KCNH1: variants seen among roughly 807,000 people sequenced by gnomAD.
KCNH1 encodes the protein potassium voltage-gated channel subfamily H member 1.
A neutral mutation model predicts 69.2 loss-of-function variants in KCNH1; 27 were observed. That is an observed-to-expected ratio of 0.39 (90% CI 0.29 to 0.54). The LOEUF (loss-of-function observed/expected upper bound fraction) is 0.54. KCNH1 is among the 20% of genes least tolerant of loss of function. The probability of loss-of-function intolerance (pLI) is 0.68; values close to 1 mark genes in which losing one functional copy is unlikely to be tolerated. For synonymous variants in KCNH1, 456 were observed against 487.7 expected (o/e 0.93, Z 0.86); for missense variants, 798 against 1,261.6 (o/e 0.63, Z 5.57).
At chr1:210,971,821 T>A (rs1227723537) in intron 6 of KCNH1, among the ~76,000 whole-genome samples, 1 of 152,186 alleles carries the variant, frequency 6.6e-6, no homozygotes, top group African/African-American at 2.4e-5. Context: ...ACTTTATGTA[T>A]ATATACTTCA....
chr1:210,790,917 C>T (rs1189293988), intron 9 of KCNH1, among the ~76,000 whole-genome samples: 1 of 152,202 alleles, frequency 6.6e-6, no homozygotes, highest in Non-Finnish European at 1.5e-5. Context: ...TTCCCAAGCC[C>T]CATATCCCAC....
chr1:210,803,594 A>C (rs979400309), intron 8 of KCNH1, among the ~76,000 whole-genome samples: 6 of 152,254 alleles, frequency 3.9e-5, no homozygotes, highest in African/African-American at 1.2e-4. Context: ...GATCAGTAAC[A>C]GTGCTGTGCT....
At chr1:211,059,199 G>C (rs1450409787) in intron 5 of KCNH1, among the ~76,000 whole-genome samples, 1 of 151,668 alleles carries the variant, frequency 6.6e-6, no homozygotes, top group Non-Finnish European at 1.5e-5. Flanking sequence ...AGAATCATTT[G>C]AACCTGGGAG....
At chr1:211,122,679 A>G (rs1691710838) in intron 1 of KCNH1, among the ~76,000 whole-genome samples, 1 of 152,234 alleles carries the variant, frequency 6.6e-6, no homozygotes, top group Non-Finnish European at 1.5e-5. Context: ...CTTTGCAGGG[A>G]CATGGATGAA....
chr1:210,931,809 C>G (rs2102576606), intron 6 of KCNH1, among the ~76,000 whole-genome samples: 1 of 147,516 alleles, frequency 6.8e-6, no homozygotes, highest in South Asian at 2.2e-4. Context: ...GAGAAAAAAA[C>G]AGAAATCTTG....
chr1:210,980,487 G>C (rs974926428), intron 6 of KCNH1, among the ~76,000 whole-genome samples: 72 of 152,156 alleles, frequency 4.7e-4, no homozygotes, highest in African/African-American at 1.7e-3. Context: ...AATCTAGGAG[G>C]TTATGAGGGT....
chr1:210,820,324 T>C (rs1282059629), intron 7 of KCNH1, among the ~76,000 whole-genome samples: 1 of 152,140 alleles, frequency 6.6e-6, no homozygotes, highest in East Asian at 1.9e-4. Context: ...CCTATGACTA[T>C]GTTACTTTAC....
chr1:211,002,031 G>A (rs12403500), intron 6 of KCNH1, among the ~76,000 whole-genome samples: 35,283 of 149,976 alleles, frequency 0.24, 5,820 homozygotes, highest in African/African-American at 0.45. Context: ...GGGAGTGGGG[G>A]GGGATAGCAT....
In KCNH1 at chr1:211,087,064, A is replaced by G. The variant is rs77008844; in HGVS notation, c.439+3498T>C. ...CTGAGGGCAGAGACATAAAATATTA[A>G]CATTGAAGGGGGTGTGGGGCCTGCA... On this transcript the variant is annotated intron_variant, in intron 4 of 10. Transcript: ENST00000271751. 2.6e-4 allele frequency among the ~76,000 whole-genome samples: 40 copies of G among 152,248 alleles called. No individual in the cohort carries two copies. The East Asian group carries it at 7.1e-3, about 27-fold the overall frequency.
At chr1:210,999,308 A>T (rs1414304279) in intron 6 of KCNH1, among the ~76,000 whole-genome samples, 3 of 152,100 alleles carry the variant, frequency 2.0e-5, no homozygotes, top group Non-Finnish European at 2.9e-5. Context: ...TCAAATAGAC[A>T]CAATAAAAAA....
At chr1:211,058,257 A>G (rs1177447773) in intron 5 of KCNH1, among the ~76,000 whole-genome samples, 2 of 152,216 alleles carry the variant, frequency 1.3e-5, no homozygotes, top group Non-Finnish European at 2.9e-5. Context: ...ATGAGCAAAA[A>G]GAAATTATCT....
intron 3 of KCNH1, among the ~76,000 whole-genome samples, chr1:211,096,047 C>CTTTATTTATTTATTTA (rs536254644): frequency 0.056 from 7,032 of 125,092 alleles, 265 homozygotes; most frequent in Non-Finnish European, 0.092. Flanking sequence ...AAAAGTATCA[C>CTTTATTTATTTATTTA]TTTATTTATT....
At chr1:210,895,596 C>T (rs989885500) in intron 7 of KCNH1, among the ~76,000 whole-genome samples, 52 of 152,198 alleles carry the variant, frequency 3.4e-4, no homozygotes, top group African/African-American at 1.3e-3. Context: ...TACCATGTCT[C>T]CCCTTGGCAA....
Position 211,107,136 on chromosome 1 carries a change from T to C in KCNH1, c.203+118A>G, listed in dbSNP as rs74159606. ...AACTAGAGATGATATGGCAATAAAT[T>C]TTCCTGTGAATACACACTAAATGAG... is the stretch of plus-strand genomic sequence containing the variant. On this transcript the variant is annotated intron_variant, in intron 2 of 10. Coordinates refer to ENST00000271751, the MANE Select transcript of KCNH1 (RefSeq NM_172362.3). 3.3e-3 allele frequency: 3,652 copies of C among 1,113,442 alleles called. 80 individuals carry two copies. The African/African-American group carries it at 0.05, about 15-fold the overall frequency. 69.0% of individuals were successfully genotyped at this position (1,113,442 alleles called of 1,614,324 possible).
intron 6 of KCNH1, among the ~76,000 whole-genome samples, chr1:211,006,551 A>G (rs953525562): frequency 6.6e-6 from 1 of 151,626 alleles, no homozygotes; most frequent in African/African-American, 2.4e-5. Context: ...AGCAAGGGAG[A>G]AGTGACTAGG....
rs555885357 is a variant in KCNH1 at position 211,068,842 on chromosome 1, G to A, written c.558+13938C>T. Among the ~76,000 whole-genome samples, 3 of 152,332 alleles carry A rather than the reference G, an allele frequency of 2.0e-5. No homozygotes were observed. The South Asian group carries it at 6.2e-4, about 32-fold the overall frequency. On this transcript the variant is annotated intron_variant, in intron 5 of 10. Coordinates refer to ENST00000271751, the MANE Select transcript of KCNH1 (RefSeq NM_172362.3). ...AAACCTCCACAGGAACCAGTGCTGG[G>A]TAGGAAAATCTAAACTGTAACTGAA... is the stretch of plus-strand genomic sequence containing the variant.
At chr1:211,007,776 T>TGAG (rs1305040828) in intron 6 of KCNH1, among the ~76,000 whole-genome samples, 1 of 152,130 alleles carries the variant, frequency 6.6e-6, no homozygotes, top group East Asian at 1.9e-4. Flanking sequence ...TTTAGATACA[T>TGAG]GAGGAAGAAG....
At chr1:211,069,357 G>T (rs1049094490) in intron 5 of KCNH1, among the ~76,000 whole-genome samples, 4 of 143,568 alleles carry the variant, frequency 2.8e-5, no homozygotes, top group African/African-American at 1.0e-4. Flanking sequence ...TCAACAAAAA[G>T]TCACAAGGCA....
At chr1:210,779,881 G>T (rs1038214699) in intron 9 of KCNH1, among the ~76,000 whole-genome samples, 7 of 152,214 alleles carry the variant, frequency 4.6e-5, no homozygotes, top group Non-Finnish European at 1.5e-5. Context: ...ATCCCTGTGG[G>T]GTACCAATGT....
Sources: gnomAD v4.1 joint callset for allele counts (sites outside exome capture counted in the v4.1 genomes callset) on GRCh38, gnomAD v4.1.1 for gene constraint, MANE v1.5 for transcripts, NCBI Gene and HGNC (gene_info 2026-07-23, HGNC 2026-07-21) for gene names.